The following UQCRC1 variants were observed in gnomAD, a reference collection of about 807,000 sequenced individuals.
UQCRC1 encodes ubiquinol-cytochrome c reductase core protein 1.
In UQCRC1, 34 loss-of-function variants were observed where a neutral mutation model predicts 58.0. The observed-to-expected ratio is 0.59, with a 90% CI of 0.45 to 0.78. The LOEUF (loss-of-function observed/expected upper bound fraction) is 0.78. UQCRC1 is among the 30% of genes least tolerant of loss of function. The pLI, the probability that UQCRC1 is intolerant of heterozygous loss-of-function variation, is 0.00. For synonymous variants in UQCRC1, 276 were observed against 248.8 expected (o/e 1.11, Z -1.03); for missense variants, 610 against 646.0 (o/e 0.94, Z 0.60).
chr3:48,604,313 C>T lies in UQCRC1; in HGVS notation c.546G>A (p.Val182=). The T allele has an allele frequency of 6.2e-7, 1 of 1,614,014 alleles. No individual in the cohort carries two copies. The highest frequency in any genetic ancestry group is 8.5e-7 in the Non-Finnish European group (1 of 1,180,032). Residue 182 remains valine (V), a synonymous_variant, in exon 5 of 13, where the codon GTG becomes GTA. Coordinates refer to ENST00000203407, the MANE Select transcript of UQCRC1 (RefSeq NM_003365.3). ...CTGTGGCATGCAGGTAGTTAAAGAC[C>T]ACATCTCGCATAGATGCATCATTCT... ...MQENDASMRD[V]VFNYLHATAF...
In UQCRC1 at chr3:48,600,136, CA is replaced by C; in HGVS notation, c.1228del (p.Cys410ValfsTer9). 2 of 1,614,144 alleles carry C rather than the reference CA, an allele frequency of 1.2e-6. No homozygotes were observed. Among genetic ancestry groups the C allele is most frequent in the Non-Finnish European group, 1.7e-6 (2 of 1,180,008 alleles). Reference protein sequence around the residue: ...VSHLDGTTPVCEDIGRSLLTY... With the variant: ...VSHLDGTTPVXEDIGRSLLTY... ...CAGGAGGCTGCGTCCGATGTCCTCA[CA>C]CACAGGAGTAGTGCCTTTAAGGGTG... On this transcript the variant is annotated frameshift_variant, in exon 11 of 13. Coordinates refer to ENST00000203407, the MANE Select transcript of UQCRC1 (RefSeq NM_003365.3). LOFTEE classifies it high-confidence loss of function.
chr3:48,608,156 CCTT>C (rs2046430671), intron 2 of UQCRC1, among the ~76,000 whole-genome samples: 1 of 152,216 alleles, frequency 6.6e-6, no homozygotes, highest in Non-Finnish European at 1.5e-5. Flanking sequence ...ACCCCTTCAT[CCTT>C]CCAAGTCTTC....
intron 2 of UQCRC1, among the ~76,000 whole-genome samples, chr3:48,607,611 T>C (rs2046426227): frequency 6.6e-6 from 1 of 150,778 alleles, no homozygotes. Context: ...CAGGCCAGAG[T>C]ACAGTGACAT....
intron 5 of UQCRC1, 62 bp downstream of exon 5, chr3:48,604,171 G>A: frequency 6.4e-7 from 1 of 1,568,530 alleles, no homozygotes; most frequent in Non-Finnish European, 8.7e-7. Context: ...ATGTGACCTG[G>A]AAAGGGTCTG....
At chr3:48,606,642 G>C (rs570901031) in intron 2 of UQCRC1, among the ~76,000 whole-genome samples, 85 of 151,940 alleles carry the variant, frequency 5.6e-4, no homozygotes, top group Non-Finnish European at 1.0e-3. Flanking sequence ...AGCTACTTGG[G>C]AGGCTGAGGC....
chr3:48,605,719 G>A, intron 3 of UQCRC1, 51 bp downstream of exon 3: 1 of 1,565,294 alleles, frequency 6.4e-7, no homozygotes, highest in South Asian at 1.1e-5. Context: ...ATCCTCAGGA[G>A]GGACAACAGG....
In UQCRC1 at chr3:48,607,039, G is replaced by T. The variant is rs557510818; in HGVS notation, c.211-1183C>A. Among the ~76,000 whole-genome samples, 17 of 139,752 alleles carry T rather than the reference G, an allele frequency of 1.2e-4. No homozygotes were observed. In the East Asian group the frequency reaches 2.0e-3, roughly 16 times the overall value. 91.7% of individuals were successfully genotyped at this position (139,752 alleles called of 152,430 possible). A position where few individuals can be genotyped will look rare whatever the true frequency, so the allele number is the denominator to read the frequency against. On this transcript the variant is annotated intron_variant, in intron 2 of 12. Coordinates refer to ENST00000203407, the MANE Select transcript of UQCRC1 (RefSeq NM_003365.3). ...ACGCCCAGCTAATTTTTGTTTTTTT[G>T]TGTGTGTGTGTTTTTTTTTTGAGAC... is the stretch of plus-strand genomic sequence containing the variant.
intron 2 of UQCRC1, among the ~76,000 whole-genome samples, chr3:48,607,434 C>A (rs1321757043): frequency 2.6e-5 from 4 of 152,194 alleles, no homozygotes; most frequent in African/African-American, 7.2e-5. Context: ...CTCGGTCTCC[C>A]AAAGTGCTGG....
At chr3:48,599,317 G>A (rs984610008) in intron 12 of UQCRC1, 125 bp from the exon 13 acceptor site, 14 of 1,160,930 alleles carry the variant, frequency 1.2e-5, no homozygotes, top group Non-Finnish European at 1.6e-5. Flanking sequence ...AGTGGAAAGA[G>A]AGGAGAGAAC....
intron 11 of UQCRC1, 34 bp downstream of exon 11, chr3:48,600,029 A>G (rs1411216424): frequency 1.9e-6 from 3 of 1,613,518 alleles, no homozygotes; most frequent in South Asian, 1.1e-5. Flanking sequence ...TGCCAGGCCA[A>G]GACTCCAGAA....
chr3:48,609,640 C>T lies in UQCRC1; in HGVS notation c.-20G>A, dbSNP rs759964566. The T allele has an allele frequency of 3.2e-6, 5 of 1,547,606 alleles. No homozygotes were observed. The Admixed American group carries it at 5.7e-5, about 18-fold the overall frequency. On this transcript the variant is annotated 5_prime_UTR_variant, in exon 1 of 13. Coordinates refer to ENST00000203407, the MANE Select transcript of UQCRC1 (RefSeq NM_003365.3). ...CGCCATCTTCCAGCTGCAGTCGGCC[C>T]TGTTGCGCCGCGCAAGCGTAGACTG...
intron 1 of UQCRC1, 102 bp downstream of exon 1, chr3:48,609,450 A>C (rs2107850277): frequency 6.6e-7 from 1 of 1,519,904 alleles, no homozygotes; most frequent in Non-Finnish European, 8.8e-7. Context: ...CACGGCCCTG[A>C]CCCCGCGTCC....
intron 3 of UQCRC1, among the ~76,000 whole-genome samples, chr3:48,605,096 C>G (rs549290804): frequency 1.1e-4 from 16 of 152,322 alleles, no homozygotes; most frequent in East Asian, 3.9e-4. Flanking sequence ...ACACCTCCCC[C>G]CTCCTTATTG....
intron 6 of UQCRC1, among the ~76,000 whole-genome samples, chr3:48,601,809 A>C (rs1357846075): frequency 6.6e-6 from 1 of 152,188 alleles, no homozygotes; most frequent in Non-Finnish European, 1.5e-5. Flanking sequence ...CTGGGCACAA[A>C]GCCACCTGGC....
intron 1 of UQCRC1, 100 bp downstream of exon 1, chr3:48,609,452 C>A: frequency 6.6e-7 from 1 of 1,520,910 alleles, no homozygotes; most frequent in Non-Finnish European, 8.8e-7. Flanking sequence ...CGGCCCTGAC[C>A]CCGCGTCCTC....
At chr3:48,599,838 A>T (rs2046345690) in intron 11 of UQCRC1, 128 bp from the exon 12 acceptor site, 4 of 1,124,046 alleles carry the variant, frequency 3.6e-6, no homozygotes, top group Non-Finnish European at 5.3e-6. Context: ...AAAAGAGGAA[A>T]GGCAGAAGGG....
chr3:48,604,317 T>A lies in UQCRC1; in HGVS notation c.542A>T (p.Asp181Val). ...GGCATGCAGGTAGTTAAAGACCACA[T>A]CTCGCATAGATGCATCATTCTCCTG... The part of the protein sequence containing the change: ...EMQENDASMR[D>V]VVFNYLHATA... Residue 181 changes from aspartate (D) to valine (V), a missense_variant, in exon 5 of 13, where the codon GAT becomes GTT. Transcript: ENST00000203407. 6.2e-7 allele frequency: 1 copy of A among 1,614,026 alleles called. No homozygotes were observed. The highest frequency in any genetic ancestry group is 8.5e-7 in the Non-Finnish European group (1 of 1,180,032).
Position 48,604,445 on chromosome 3 carries a change from G to A in UQCRC1, c.428-14C>T. 6.2e-7 allele frequency: 1 copy of A among 1,612,854 alleles called. No homozygotes were observed. Among genetic ancestry groups the A allele is most frequent in the Non-Finnish European group, 8.5e-7 (1 of 1,179,324 alleles). ...GGAGCTCCACAGCTAGATGCAAGGAGGACATGTTTAGGTGCCAGGTGGACC... is the reference window on the plus strand; with the variant it reads ...GGAGCTCCACAGCTAGATGCAAGGAAGACATGTTTAGGTGCCAGGTGGACC... On this transcript the variant is annotated splice_polypyrimidine_tract_variant and intron_variant, in intron 4 of 12. Transcript: ENST00000203407.
chr3:48,599,116 T>C lies in UQCRC1; in HGVS notation c.*12A>G, dbSNP rs775199152. The C allele has an allele frequency of 4.3e-6, 7 of 1,611,798 alleles. No individual in the cohort carries two copies. The highest frequency in any genetic ancestry group is 4.0e-5 in the African/African-American group (3 of 74,878). On this transcript the variant is annotated 3_prime_UTR_variant, in exon 13 of 13. Transcript: ENST00000203407. ...CCCCGGCCCTGCCCTCTTGCTTACA[T>C]AGGCTTCCCGCCTAGAAGCGCAGCC...
Sources: allele counts gnomAD v4.1 joint callset (sites outside exome capture counted in the v4.1 genomes callset), GRCh38; gene constraint gnomAD v4.1.1; transcripts MANE v1.5; gene names NCBI Gene and HGNC (gene_info 2026-07-23, HGNC 2026-07-21).